The following ASAP2 variants were observed in gnomAD, a reference collection of about 807,000 sequenced individuals.
ASAP2 encodes ArfGAP with SH3 domain, ankyrin repeat and PH domain 2, also known as arf-GAP with SH3 domain, ANK repeat and PH domain-containing protein 2.
Under a neutral mutation model 131.4 loss-of-function variants are expected in ASAP2, and 45 were observed. The observed-to-expected ratio is 0.34, with a 90% CI of 0.27 to 0.44. The LOEUF (loss-of-function observed/expected upper bound fraction) is 0.44, where lower values mean the gene tolerates loss of function less well. Ranked by LOEUF, ASAP2 falls within the 20% of genes least tolerant of loss-of-function variation. The pLI is 1.00. For synonymous variants in ASAP2, 510 were observed against 503.0 expected, an observed-to-expected ratio of 1.01 and a Z score of -0.19; for missense variants, 1,011 against 1,297.0, an observed-to-expected ratio of 0.78 and a Z score of 3.39.
chr2:9,396,021 G>A (rs80270860), intron 24 of ASAP2, among the ~76,000 whole-genome samples: 37 of 152,132 alleles, frequency 2.4e-4, no homozygotes, highest in African/African-American at 8.7e-4. Context: ...GACACCGTCC[G>A]TTTTGCCCTC....
At chr2:9,343,360 CT>C (rs1305571826) in intron 9 of ASAP2, among the ~76,000 whole-genome samples, 8 of 152,160 alleles carry the variant, frequency 5.3e-5, no homozygotes, top group African/African-American at 1.9e-4. Context: ...CTCTCGTTTC[CT>C]TTAAGTCTCA....
chr2:9,373,572 C>G (rs1235562731), intron 16 of ASAP2, among the ~76,000 whole-genome samples: 1 of 152,198 alleles, frequency 6.6e-6, no homozygotes, highest in Admixed American at 6.5e-5. Flanking sequence ...TTCTGGGGGG[C>G]CAGTTGTTCC....
chr2:9,330,766 C>T (rs1428360521), intron 7 of ASAP2, among the ~76,000 whole-genome samples: 3 of 152,130 alleles, frequency 2.0e-5, no homozygotes, highest in Non-Finnish European at 2.9e-5. Flanking sequence ...TCTGGGATTT[C>T]CTTCCCCCGC....
chr2:9,375,481 T>A (rs2709597), intron 17 of ASAP2, among the ~76,000 whole-genome samples: 1 of 152,202 alleles, frequency 6.6e-6, no homozygotes, highest in Non-Finnish European at 1.5e-5. Context: ...TATGTTTACA[T>A]CATGGAATGA....
chr2:9,368,559 G>T (rs1400223406), intron 16 of ASAP2, 40 bp downstream of exon 16: 1 of 1,585,364 alleles, frequency 6.3e-7, no homozygotes, highest in African/African-American at 1.3e-5. Flanking sequence ...CTGAGTAAAG[G>T]TTTGCCTTTG....
intron 1 of ASAP2, among the ~76,000 whole-genome samples, chr2:9,254,393 C>G (rs1664988250): frequency 7.2e-6 from 1 of 139,654 alleles, no homozygotes; most frequent in Non-Finnish European, 1.5e-5. Context: ...TACTCTGTTG[C>G]CTAGGCTGGA....
chr2:9,232,649 A>G lies in ASAP2; in HGVS notation c.126+25419A>G, dbSNP rs576569480. 2.6e-5 allele frequency among the ~76,000 whole-genome samples: 4 copies of G among 152,218 alleles called. No individual in the cohort carries two copies. Among genetic ancestry groups the G allele is most frequent in the Non-Finnish European group, 5.9e-5 (4 of 68,034 alleles). ...ACTTAGTGATGCATCCTCAGCACCCAGAATTGCACTGGACACATCATATAT... is the reference window on the plus strand; with the variant it reads ...ACTTAGTGATGCATCCTCAGCACCCGGAATTGCACTGGACACATCATATAT... On this transcript the variant is annotated intron_variant, in intron 1 of 27. Transcript: ENST00000281419. The surrounding 1 kb of genome is among the most constrained non-coding windows in gnomAD (Gnocchi z 4.1).
chr2:9,355,936 T>G, intron 12 of ASAP2, 111 bp from the exon 13 acceptor site: 1 of 1,333,142 alleles, frequency 7.5e-7, no homozygotes, highest in East Asian at 2.3e-5. Flanking sequence ...ATCAGTAATT[T>G]CGTAACAGAG....
rs35913703 is a variant in ASAP2 at position 9,270,785 on chromosome 2, A to ATTTTTTTTTTTTTTTT, written c.127-8522_127-8507dup. 3.7e-3 allele frequency among the ~76,000 whole-genome samples: 195 copies of ATTTTTTTTTTTTTTTT among 52,932 alleles called. 19 individuals carry two copies. Among genetic ancestry groups the ATTTTTTTTTTTTTTTT allele is most frequent in the Non-Finnish European group, 5.2e-3 (151 of 28,782 alleles). The allele number at this position is 52,932 out of a possible 152,430, so 34.7% of individuals were successfully genotyped here. A position where few individuals can be genotyped will look rare whatever the true frequency, so the allele number is the denominator to read the frequency against. On this transcript the variant is annotated intron_variant, in intron 1 of 27. Coordinates refer to ENST00000281419, the MANE Select transcript of ASAP2 (RefSeq NM_003887.3). The stretch of plus-strand genomic sequence containing the variant: ...AGTCTCCATGAGTTCAATTGTTTTC[A>ATTTTTTTTTTTTTTTT]TTTTTTTTTTTTTTTTTTTTTTTTT...
chr2:9,385,398 C>A, intron 21 of ASAP2, 40 bp downstream of exon 21: 2 of 1,480,944 alleles, frequency 1.4e-6, no homozygotes, highest in Non-Finnish European at 1.9e-6. Context: ...TTTTGATCAG[C>A]TTCATCCAGA....
At chr2:9,324,844 C>T (rs1309174239) in intron 6 of ASAP2, among the ~76,000 whole-genome samples, 1 of 152,152 alleles carries the variant, frequency 6.6e-6, no homozygotes, top group African/African-American at 2.4e-5. Flanking sequence ...ATATATATAG[C>T]TGGATCATGT....
chr2:9,208,410 G>GTTTTT (rs1558234532), intron 1 of ASAP2, among the ~76,000 whole-genome samples: 1 of 145,344 alleles, frequency 6.9e-6, no homozygotes, highest in African/African-American at 2.6e-5. Context: ...TTTTTTTTCT[G>GTTTTT]GTTTTTTTTT....
chr2:9,345,063 T>G (rs1284987640), intron 11 of ASAP2, among the ~76,000 whole-genome samples: 1 of 152,100 alleles, frequency 6.6e-6, no homozygotes. Flanking sequence ...CCTTGTTATC[T>G]TCCACTCCCT....
intron 1 of ASAP2, among the ~76,000 whole-genome samples, chr2:9,210,478 C>T (rs1018431811): frequency 2.6e-4 from 40 of 152,104 alleles, no homozygotes; most frequent in African/African-American, 9.6e-4. Context: ...ATGGGATTTA[C>T]ATGGGGGGAA....
At position 9,317,562 on chromosome 2, in the gene ASAP2, ACTCT is replaced by A. The variant is rs58773472; in HGVS notation, c.346-960_346-957del. The stretch of plus-strand genomic sequence containing the variant: ...CACAATCTCTCACATCCACAATCAC[ACTCT>A]CACACACCCACACACCCGTACACAA... On this transcript the variant is annotated intron_variant, in intron 3 of 27. Coordinates refer to ENST00000281419, the MANE Select transcript of ASAP2 (RefSeq NM_003887.3). 4.4e-3 allele frequency among the ~76,000 whole-genome samples: 656 copies of A among 148,986 alleles called. 3 individuals carry two copies. The highest frequency in any genetic ancestry group is 0.015 in the African/African-American group (612 of 40,326).
chr2:9,271,853 T>G (rs1428969024), intron 1 of ASAP2, among the ~76,000 whole-genome samples: 5 of 152,136 alleles, frequency 3.3e-5, no homozygotes, highest in Non-Finnish European at 5.9e-5. Context: ...CATAATAACC[T>G]CTATTTCCAT....
chr2:9,269,009 T>C (rs527892872), intron 1 of ASAP2, among the ~76,000 whole-genome samples: 150 of 152,108 alleles, frequency 9.9e-4, no homozygotes, highest in Middle Eastern at 3.4e-3. Flanking sequence ...CCGCTGGTGC[T>C]GTGGGAGGGG....
chr2:9,380,647 T>G, intron 19 of ASAP2, 94 bp from the exon 20 acceptor site: 1 of 1,164,694 alleles, frequency 8.6e-7, no homozygotes, highest in Non-Finnish European at 1.3e-6. Context: ...TTTAATTTAG[T>G]GCTGCCTTTC....
intron 6 of ASAP2, among the ~76,000 whole-genome samples, chr2:9,323,520 C>T (rs762664525): frequency 1.3e-5 from 2 of 152,244 alleles, no homozygotes; most frequent in Non-Finnish European, 2.9e-5. Context: ...CGTACGTACT[C>T]TTGCTAAAAT....
Sources: allele counts gnomAD v4.1 joint callset (sites outside exome capture counted in the v4.1 genomes callset), GRCh38; gene constraint gnomAD v4.1.1; non-coding constraint Gnocchi (gnomAD v3.1); transcripts MANE v1.5; gene names NCBI Gene and HGNC (gene_info 2026-07-23, HGNC 2026-07-21).